SLC38A6: variants seen among roughly 807,000 people sequenced by gnomAD.
The protein encoded by SLC38A6 is solute carrier family 38 member 6, also known as N system amino acid transporter NAT-1.
In SLC38A6, 73 loss-of-function variants were observed where a neutral mutation model predicts 65.0. That is an observed-to-expected ratio of 1.12 (90% CI 0.93 to 1.37). The LOEUF (loss-of-function observed/expected upper bound fraction) is 1.37. Ranked by LOEUF, SLC38A6 falls within the 40% of genes most tolerant of loss-of-function variation. The pLI, the probability that SLC38A6 is intolerant of heterozygous loss-of-function variation, is 0.00. For synonymous variants in SLC38A6, 183 were observed against 178.8 expected, an observed-to-expected ratio of 1.02 and a Z score of -0.19; for missense variants, 561 against 531.1, an observed-to-expected ratio of 1.06 and a Z score of -0.55.
At chr14:61,062,415 T>G (rs1430726179) in intron 15 of SLC38A6, among the ~76,000 whole-genome samples, 1 of 152,206 alleles carries the variant, frequency 6.6e-6, no homozygotes, top group African/African-American at 2.4e-5. Context: ...CCTAATATGA[T>G]ATTGAGCATC....
At chr14:61,029,422 C>A (rs933954248) in intron 5 of SLC38A6, among the ~76,000 whole-genome samples, 1 of 152,086 alleles carries the variant, frequency 6.6e-6, no homozygotes, top group Non-Finnish European at 1.5e-5. Context: ...CCCAAACACT[C>A]TTTGTTCTTC....
chr14:61,055,061 T>C (rs1463950490), downstream of SLC38A6, among the ~76,000 whole-genome samples: 1 of 151,464 alleles, frequency 6.6e-6, no homozygotes, highest in African/African-American at 2.4e-5. Flanking sequence ...TTGAGAGTTT[T>C]TAACATGAAG....
Position 60,988,599 on chromosome 14 carries a change from C to A in SLC38A6, c.310+3796C>A, listed in dbSNP as rs2037631604. Among the ~76,000 whole-genome samples, 5 of 152,250 alleles carry A rather than the reference C, an allele frequency of 3.3e-5. No homozygotes were observed. The South Asian group carries it at 1.0e-3, about 32-fold the overall frequency. ...CAAAATAGCATTTGTTAGTATCTGC[C>A]CATCTGCCACCACCATCTCCTTTGT... is the stretch of plus-strand genomic sequence containing the variant. On this transcript the variant is annotated intron_variant, in intron 3 of 15. Transcript: ENST00000267488.
At position 60,984,508 on chromosome 14, in the gene SLC38A6, AT is replaced by A. The variant is rs376647917; in HGVS notation, c.237-213del. Among the ~76,000 whole-genome samples, 951 of 150,938 alleles carry A rather than the reference AT, an allele frequency of 6.3e-3. 7 individuals are homozygous for A. Among genetic ancestry groups the A allele is most frequent in the African/African-American group, 0.016 (631 of 40,600 alleles). On this transcript the variant is annotated intron_variant, in intron 2 of 15. Transcript: ENST00000267488. ...GTATTTTTAAAAAAGTTTGGTTTTT[AT>A]TTTTTTTTATTTTAAAATCAGTATA...
chr14:61,044,283 G>A (rs973062264), intron 10 of SLC38A6, among the ~76,000 whole-genome samples: 1 of 152,152 alleles, frequency 6.6e-6, no homozygotes, highest in African/African-American at 2.4e-5. Context: ...ACTCCACCAT[G>A]CAGAATTTTC....
intron 4 of SLC38A6, among the ~76,000 whole-genome samples, chr14:61,019,083 T>A (rs2040194269): frequency 6.6e-6 from 1 of 152,216 alleles, no homozygotes; most frequent in African/African-American, 2.4e-5. Context: ...GGGACTGGGA[T>A]GCTCAAAGTC....
intron 1 of SLC38A6, chr14:60,981,704 G>C (rs1236329438): frequency 7.5e-7 from 1 of 1,336,244 alleles, no homozygotes; most frequent in East Asian, 4.6e-5. Flanking sequence ...TAGTATTTTT[G>C]TCACCTTATT....
downstream of SLC38A6, among the ~76,000 whole-genome samples, chr14:61,053,354 G>A (rs987046506): frequency 2.6e-5 from 4 of 151,980 alleles, no homozygotes; most frequent in Non-Finnish European, 4.4e-5. Flanking sequence ...GAACATTTAC[G>A]TGCATGTGTC....
intron 3 of SLC38A6, among the ~76,000 whole-genome samples, chr14:61,010,732 A>G (rs1228855863): frequency 6.6e-6 from 1 of 152,054 alleles, no homozygotes; most frequent in Non-Finnish European, 1.5e-5. Context: ...GTTGTGTTCC[A>G]TTGGTATATA....
At chr14:61,007,920 T>A (rs1013152606) in intron 3 of SLC38A6, among the ~76,000 whole-genome samples, 16 of 152,250 alleles carry the variant, frequency 1.1e-4, no homozygotes, top group Admixed American at 9.8e-4. Context: ...TTAAAATAAT[T>A]ACTAATTTTT....
At chr14:60,993,258 A>G (rs1594978299) in intron 3 of SLC38A6, among the ~76,000 whole-genome samples, 1 of 152,330 alleles carries the variant, frequency 6.6e-6, no homozygotes, top group African/African-American at 2.4e-5. Flanking sequence ...CTTTAGAGAT[A>G]GGAAACTGAG....
chr14:61,030,338 C>A, intron 5 of SLC38A6, 107 bp from the exon 6 acceptor site: 7 of 646,274 alleles, frequency 1.1e-5, no homozygotes, highest in Non-Finnish European at 5.2e-6. Flanking sequence ...GTTAATCTTC[C>A]ATATGTTGTC....
intron 5 of SLC38A6, among the ~76,000 whole-genome samples, chr14:61,026,008 C>T (rs1228164246): frequency 1.3e-5 from 2 of 152,132 alleles, no homozygotes; most frequent in Non-Finnish European, 2.9e-5. Context: ...CCCCCAAGTG[C>T]TGAAAACCTA....
chr14:60,982,319 C>G (rs2037116331), intron 1 of SLC38A6, 189 bp from the exon 2 acceptor site: 1 of 693,672 alleles, frequency 1.4e-6, no homozygotes, highest in Admixed American at 2.1e-5. Context: ...ACCCTAGATT[C>G]CTGGAGCTGC....
chr14:61,051,194 T>C (rs939950298), intron 13 of SLC38A6, among the ~76,000 whole-genome samples: 1 of 152,236 alleles, frequency 6.6e-6, no homozygotes, highest in Non-Finnish European at 1.5e-5. Flanking sequence ...TGCATCTGCA[T>C]GGATGTCTTG....
At chr14:61,012,935 T>G (rs1206260941) in intron 3 of SLC38A6, among the ~76,000 whole-genome samples, 2 of 152,172 alleles carry the variant, frequency 1.3e-5, no homozygotes, top group African/African-American at 2.4e-5. Context: ...TTCCTGGAGA[T>G]CCTTGTTAAC....
intron 16 of SLC38A6, chr14:61,083,529 T>C (rs929988885): frequency 6.5e-7 from 1 of 1,545,266 alleles, no homozygotes; most frequent in Non-Finnish European, 8.7e-7. Flanking sequence ...CCTAATTCAA[T>C]GTGACTGGTG....
chr14:61,006,516 A>G (rs910273127), intron 3 of SLC38A6, among the ~76,000 whole-genome samples: 1 of 152,250 alleles, frequency 6.6e-6, no homozygotes, highest in Non-Finnish European at 1.5e-5. Context: ...TGGGCGAAGG[A>G]CATGAACAGA....
At chr14:60,996,599 G>A (rs2038311722) in intron 3 of SLC38A6, among the ~76,000 whole-genome samples, 3 of 152,132 alleles carry the variant, frequency 2.0e-5, no homozygotes, top group Non-Finnish European at 4.4e-5. Flanking sequence ...TGATGTAACT[G>A]AAGGAAATTA....
Sources: gnomAD v4.1 joint callset for allele counts (sites outside exome capture counted in the v4.1 genomes callset) on GRCh38, gnomAD v4.1.1 for gene constraint, MANE v1.5 for transcripts, NCBI Gene and HGNC (gene_info 2026-07-23, HGNC 2026-07-21) for gene names.